INPP4B: variants seen among roughly 807,000 people sequenced by gnomAD.
INPP4B encodes inositol polyphosphate-4-phosphatase type II B, also known as inositol polyphosphate 4-phosphatase type II.
INPP4B carries 55 observed loss-of-function variants against 122.5 expected under a neutral mutation model. That is an observed-to-expected ratio of 0.45 (90% CI 0.36 to 0.56). The LOEUF (loss-of-function observed/expected upper bound fraction) is 0.56. Among genes scored for constraint, INPP4B ranks in the 20% least tolerant of loss-of-function variants. The pLI is 0.00. For synonymous variants in INPP4B, 403 were observed against 388.7 expected (o/e 1.04, Z -0.43); for missense variants, 1,000 against 1,097.7 (o/e 0.91, Z 1.26).
At chr4:142,413,729 C>A (rs1273933840) in intron 5 of INPP4B, among the ~76,000 whole-genome samples, 2 of 152,078 alleles carry the variant, frequency 1.3e-5, no homozygotes, top group African/African-American at 4.8e-5. Flanking sequence ...TTTAACTAAC[C>A]AGCCAGTCAA....
Position 142,312,222 on chromosome 4 carries a change from C to T in INPP4B, c.423+2490G>A, listed in dbSNP as rs530287282. Among the ~76,000 whole-genome samples the T allele has an allele frequency of 1.8e-4, 28 of 152,204 alleles. No individual in the cohort carries two copies. The South Asian group carries it at 4.6e-3, about 25-fold the overall frequency. On this transcript the variant is annotated intron_variant, in intron 8 of 25. Transcript: ENST00000262992. Reference sequence around the variant, plus strand: ...TGAGGCAAGCAATCTCATTAACACGCCTTGATGAGGAGCCAGTATAGAGAC... The same window carrying T: ...TGAGGCAAGCAATCTCATTAACACGTCTTGATGAGGAGCCAGTATAGAGAC...
At chr4:142,544,205 G>T (rs1829290044) in intron 2 of INPP4B, among the ~76,000 whole-genome samples, 1 of 149,914 alleles carries the variant, frequency 6.7e-6, no homozygotes, top group Non-Finnish European at 1.5e-5. Flanking sequence ...AAAGTCTACA[G>T]GATAAGAGAT....
At chr4:142,373,421 T>C (rs1362491412) in intron 7 of INPP4B, among the ~76,000 whole-genome samples, 2 of 151,998 alleles carry the variant, frequency 1.3e-5, no homozygotes, top group Admixed American at 1.3e-4. Flanking sequence ...ATCTGAACAA[T>C]AAATAATATT....
At chr4:142,617,433 C>A (rs1743954867) in intron 2 of INPP4B, among the ~76,000 whole-genome samples, 2 of 152,082 alleles carry the variant, frequency 1.3e-5, no homozygotes, top group South Asian at 4.1e-4. Context: ...AGGGCAGCAA[C>A]CATTGCTTGC....
chr4:142,601,186 C>A (rs575157501), intron 2 of INPP4B, among the ~76,000 whole-genome samples: 10 of 152,146 alleles, frequency 6.6e-5, no homozygotes, highest in African/African-American at 2.4e-4. Context: ...GCAAGAAAAA[C>A]CGGACTTTAG....
intron 2 of INPP4B, among the ~76,000 whole-genome samples, chr4:142,642,182 A>G (rs1322980114): frequency 1.3e-5 from 2 of 151,992 alleles, no homozygotes; most frequent in Admixed American, 6.6e-5. Flanking sequence ...TTGTCAGATG[A>G]GTAGATTGCA....
intron 23 of INPP4B, among the ~76,000 whole-genome samples, chr4:142,090,552 A>G (rs1347987270): frequency 6.6e-6 from 1 of 152,170 alleles, no homozygotes; most frequent in African/African-American, 2.4e-5. Context: ...ATTGTGGTGT[A>G]CACAGAACGT....
intron 7 of INPP4B, among the ~76,000 whole-genome samples, chr4:142,361,662 C>T (rs1579845974): frequency 6.6e-6 from 1 of 151,946 alleles, no homozygotes; most frequent in Middle Eastern, 3.4e-3. Context: ...CCTGTTTCTT[C>T]ATAACATTGA....
At chr4:142,357,517 G>A (rs1784008198) in intron 7 of INPP4B, among the ~76,000 whole-genome samples, 1 of 151,976 alleles carries the variant, frequency 6.6e-6, no homozygotes, top group African/African-American at 2.4e-5. Flanking sequence ...CTTTCGTAGG[G>A]ATAAATTGGA....
chr4:142,160,638 A>AT, intron 16 of INPP4B, 77 bp from the exon 17 acceptor site: 1 of 1,061,628 alleles, frequency 9.4e-7, no homozygotes, highest in African/African-American at 1.6e-5. Context: ...TCAATTGCAG[A>AT]TTTGTTGGTA....
chr4:142,145,886 T>A lies in INPP4B; in HGVS notation c.1674A>T (p.Gly558=). ...CATCTGTTAATGAAGGTTCCTTTTC[T>A]CCATCATTGTTGCCGCCACTGCCTT... ...GSEGSGGNND[G]EKEPSLTDAI... is the part of the protein sequence containing the mutation. The change falls in exon 18 of 26, where the codon GGA becomes GGT. Residue 558 remains glycine (G), a synonymous_variant. Coordinates refer to ENST00000262992, the MANE Select transcript of INPP4B (RefSeq NM_001101669.3). The A allele has an allele frequency of 6.2e-7, 1 of 1,613,884 alleles. No homozygotes were observed. The highest frequency in any genetic ancestry group is 8.5e-7 in the Non-Finnish European group (1 of 1,179,812).
At chr4:142,713,916 C>T (rs757188327) in intron 2 of INPP4B, among the ~76,000 whole-genome samples, 3 of 152,168 alleles carry the variant, frequency 2.0e-5, no homozygotes, top group Non-Finnish European at 4.4e-5. Flanking sequence ...TCTTCTAAAG[C>T]AGCATTTTAC....
At chr4:142,069,345 C>A (rs1344827049) in intron 25 of INPP4B, among the ~76,000 whole-genome samples, 2 of 151,968 alleles carry the variant, frequency 1.3e-5, no homozygotes, top group Non-Finnish European at 2.9e-5. Flanking sequence ...GTGTAGAGGG[C>A]AATGTATAGC....
chr4:142,758,549 G>T (rs1770835137), intron 1 of INPP4B, among the ~76,000 whole-genome samples: 1 of 152,158 alleles, frequency 6.6e-6, no homozygotes, highest in Non-Finnish European at 1.5e-5. Flanking sequence ...TCAACAGGGA[G>T]TGGACTAGAA....
intron 15 of INPP4B, among the ~76,000 whole-genome samples, chr4:142,188,369 C>A (rs1272714305): frequency 6.6e-6 from 1 of 151,010 alleles, no homozygotes; most frequent in Non-Finnish European, 1.5e-5. Flanking sequence ...CACCTGTAGT[C>A]CCAGCTACTC....
At chr4:142,419,857 CCTCT>C (rs572961872) in intron 5 of INPP4B, among the ~76,000 whole-genome samples, 8 of 151,950 alleles carry the variant, frequency 5.3e-5, no homozygotes, top group African/African-American at 1.7e-4. Flanking sequence ...CATCAGGGGA[CCTCT>C]CTCTCTCCCA....
intron 1 of INPP4B, among the ~76,000 whole-genome samples, chr4:142,735,444 C>G (rs925583309): frequency 2.0e-5 from 3 of 152,080 alleles, no homozygotes; most frequent in African/African-American, 7.2e-5. Flanking sequence ...CAAACAGAAA[C>G]CAGGCATTGT....
intron 1 of INPP4B, among the ~76,000 whole-genome samples, chr4:142,776,564 T>C (rs539852454): frequency 6.6e-6 from 1 of 152,240 alleles, no homozygotes; most frequent in African/African-American, 2.4e-5. Flanking sequence ...TCCAGATATA[T>C]GCAAGGAAGC....
intron 3 of INPP4B, among the ~76,000 whole-genome samples, chr4:142,443,827 A>G (rs920678100): frequency 1.3e-5 from 2 of 152,154 alleles, no homozygotes; most frequent in African/African-American, 4.8e-5. Flanking sequence ...GAGGGGAGGA[A>G]GAAGAGAAGA....
Sources: allele counts gnomAD v4.1 joint callset (sites outside exome capture counted in the v4.1 genomes callset), GRCh38; gene constraint gnomAD v4.1.1; transcripts MANE v1.5; gene names NCBI Gene and HGNC (gene_info 2026-07-23, HGNC 2026-07-21).